Variants in CHEK2 observed in about 807,000 individuals in gnomAD.
CHEK2 encodes serine/threonine-protein kinase Chk2.
CHEK2 carries 71 observed loss-of-function variants against 69.1 expected under a neutral mutation model. The ratio of observed to expected loss-of-function variants is 1.03; its 90% CI spans 0.85 to 1.25. The LOEUF (loss-of-function observed/expected upper bound fraction) is 1.25. CHEK2 is among the 50% of genes most tolerant of loss of function. CHEK2 has a pLI of 0.00. For synonymous variants in CHEK2, 189 were observed against 226.9 expected, an observed-to-expected ratio of 0.83 and a Z score of 1.50; for missense variants, 664 against 649.6, an observed-to-expected ratio of 1.02 and a Z score of -0.24.
intron 2 of CHEK2, chr22:28,727,850 T>A (rs1165088134): frequency 6.6e-6 from 1 of 152,238 alleles, no homozygotes; most frequent in East Asian, 1.9e-4. Flanking sequence ...AAAAGTTTCA[T>A]ATCACCCTGT....
intron 2 of CHEK2, among the ~76,000 whole-genome samples, chr22:28,725,620 G>A (rs2053976045): frequency 6.6e-6 from 1 of 152,176 alleles, no homozygotes; most frequent in Non-Finnish European, 1.5e-5. Context: ...CAGCCCTTTG[G>A]AAGGCTAAGG....
At chr22:28,738,531 G>A (rs1236860025) in intron 1 of CHEK2, among the ~76,000 whole-genome samples, 3 of 152,144 alleles carry the variant, frequency 2.0e-5, no homozygotes, top group Admixed American at 1.3e-4. Context: ...GTGAAGTGAC[G>A]CATGTAATAC....
At chr22:28,704,351 G>C (rs1826089130) in intron 7 of CHEK2, among the ~76,000 whole-genome samples, 1 of 133,960 alleles carries the variant, frequency 7.5e-6, no homozygotes, top group Admixed American at 7.7e-5. Context: ...TTCTTTTTTT[G>C]AGACAGAGTC....
rs141703411 is a variant in CHEK2 at position 28,702,135 on chromosome 22, CTGTGTGTG to C, written c.908+1362_908+1369del. ...CCCGGCTAATTTTGTGTGTGTGTGTCTGTGTGTGTGTGTGTGTGTGTGTGTGTGTGTGT... is the reference window on the plus strand; with the variant it reads ...CCCGGCTAATTTTGTGTGTGTGTGTCTGTGTGTGTGTGTGTGTGTGTGTGT... On this transcript the variant is annotated intron_variant, in intron 8 of 14. Transcript: ENST00000404276. 7.1e-3 allele frequency among the ~76,000 whole-genome samples: 993 copies of C among 140,398 alleles called. 7 individuals carry two copies. The highest frequency in any genetic ancestry group is 0.01 in the Non-Finnish European group (681 of 65,692). The allele number at this position is 140,398 out of a possible 152,430, so 92.1% of individuals were successfully genotyped here.
At chr22:28,728,542 CA>C (rs201682241) in intron 2 of CHEK2, among the ~76,000 whole-genome samples, 7 of 151,354 alleles carry the variant, frequency 4.6e-5, no homozygotes, top group African/African-American at 1.5e-4. Flanking sequence ...AAAAACAAAA[CA>C]AAAAAAAATT....
intron 4 of CHEK2, among the ~76,000 whole-genome samples, chr22:28,720,918 T>C (rs1383763156): frequency 6.6e-6 from 1 of 152,180 alleles, no homozygotes; most frequent in African/African-American, 2.4e-5. Flanking sequence ...TCAGGCTGTG[T>C]TGAGTTTAAG....
At chr22:28,705,373 G>A (rs1380543406) in intron 7 of CHEK2, among the ~76,000 whole-genome samples, 3 of 151,818 alleles carry the variant, frequency 2.0e-5, no homozygotes, top group African/African-American at 4.8e-5. Context: ...CACTGCACCC[G>A]GCCCAAAATC....
At chr22:28,695,070 C>A in intron 12 of CHEK2, 57 bp downstream of exon 12, 1 of 1,077,082 alleles carries the variant, frequency 9.3e-7, no homozygotes, top group Non-Finnish European at 1.4e-6. Flanking sequence ...GAAACTCCCA[C>A]CACAGCACAT....
At chr22:28,715,543 C>T (rs2053560010) in intron 5 of CHEK2, among the ~76,000 whole-genome samples, 1 of 152,060 alleles carries the variant, frequency 6.6e-6, no homozygotes, top group Admixed American at 6.6e-5. Context: ...CCTCAACCTC[C>T]CAAGTAGCTG....
At chr22:28,728,464 C>T (rs1317234422) in intron 2 of CHEK2, among the ~76,000 whole-genome samples, 1 of 152,136 alleles carries the variant, frequency 6.6e-6, no homozygotes, top group African/African-American at 2.4e-5. Flanking sequence ...GAGGCCAAGG[C>T]AGGCGGATTG....
rs573091387 is a variant in CHEK2 at position 28,698,356 on chromosome 22, T to C, written c.1009-1369A>G. On this transcript the variant is annotated intron_variant, in intron 9 of 14. Transcript: ENST00000404276. ...GTTGTAGTGAGCCGAGATCGTGCCATTGGACTCCAGCCTGGGCGACACAGT... is the reference window on the plus strand; with the variant it reads ...GTTGTAGTGAGCCGAGATCGTGCCACTGGACTCCAGCCTGGGCGACACAGT... 7.9e-5 allele frequency among the ~76,000 whole-genome samples: 12 copies of C among 151,906 alleles called. 1 individual carries two copies. Among genetic ancestry groups the C allele is most frequent in the African/African-American group, 2.9e-4 (12 of 41,470 alleles).
At chr22:28,731,109 G>A (rs1358640878) in intron 2 of CHEK2, among the ~76,000 whole-genome samples, 1 of 151,594 alleles carries the variant, frequency 6.6e-6, no homozygotes, top group Non-Finnish European at 1.5e-5. Flanking sequence ...AGGCTGAAGT[G>A]GGAGAATTGC....
intron 8 of CHEK2, among the ~76,000 whole-genome samples, chr22:28,702,259 A>G (rs2052899194): frequency 6.9e-6 from 1 of 145,728 alleles, no homozygotes. Flanking sequence ...TTTTTTTTGA[A>G]ACGGAGTCTC....
Position 28,719,579 on chromosome 22 carries a change from A to G in CHEK2, c.593-94T>C, listed in dbSNP as rs2053701650. The stretch of plus-strand genomic sequence containing the variant: ...TTTATTCATCATATGGAATATAAGA[A>G]CTGTTTTTAACTACATTTAACATGT... On this transcript the variant is annotated intron_variant, in intron 4 of 14. Coordinates refer to ENST00000404276, the MANE Select transcript of CHEK2 (RefSeq NM_007194.4). 4.2e-6 allele frequency: 3 copies of G among 721,440 alleles called. No individual in the cohort carries two copies. In the Admixed American group the frequency reaches 7.5e-5, roughly 18 times the overall value. 44.7% of individuals were successfully genotyped at this position (721,440 alleles called of 1,614,324 possible).
In CHEK2 at chr22:28,734,442, C is replaced by T. The variant is rs753860983; in HGVS notation, c.280G>A (p.Ala94Thr). The change falls in exon 2 of 15, where the codon GCT (alanine) becomes ACT (threonine). Residue 94 changes from alanine to threonine, a missense_variant. Ala to Thr is a moderately conservative substitution (Grantham distance 58). Transcript: ENST00000404276. The stretch of plus-strand genomic sequence containing the variant: ...CCATCCTGAAGGGCCCATAATCGAG[C>T]CCAGGGGGCAGGGGTAGGCTCCTCA... ...EPEEPTPAPW[A>T]RLWALQDGFA... 6.2e-7 allele frequency: 1 copy of T among 1,613,894 alleles called. No homozygotes were observed. The highest frequency in any genetic ancestry group is 8.5e-7 in the Non-Finnish European group (1 of 1,179,962).
intron 11 of CHEK2, 98 bp from the exon 12 acceptor site, chr22:28,695,340 A>G: frequency 1.3e-6 from 1 of 769,038 alleles, no homozygotes; most frequent in Non-Finnish European, 2.3e-6. Flanking sequence ...GAAAAGTCAG[A>G]TTTTTCTTTA....
intron 13 of CHEK2, among the ~76,000 whole-genome samples, chr22:28,692,134 A>G (rs2052389957): frequency 1.3e-5 from 2 of 152,222 alleles, no homozygotes; most frequent in African/African-American, 2.4e-5. Context: ...AAGATAGGCT[A>G]TGCTTGCTCA....
intron 5 of CHEK2, chr22:28,712,334 T>C (rs947124887): frequency 8.3e-6 from 3 of 361,378 alleles, no homozygotes; most frequent in Admixed American, 8.7e-5. Context: ...ATCCGAGAGG[T>C]CAGAAAAACA....
At chr22:28,722,084 A>T (rs2053806968) in intron 4 of CHEK2, among the ~76,000 whole-genome samples, 1 of 151,884 alleles carries the variant, frequency 6.6e-6, no homozygotes, top group Non-Finnish European at 1.5e-5. Flanking sequence ...TAATTTTTTT[A>T]AAAGAGGAAG....
Sources: gnomAD v4.1 joint callset for allele counts (sites outside exome capture counted in the v4.1 genomes callset) on GRCh38, gnomAD v4.1.1 for gene constraint, MANE v1.5 for transcripts, NCBI Gene and HGNC (gene_info 2026-07-23, HGNC 2026-07-21) for gene names.